The following ZNF730 variants were observed in gnomAD, a reference collection of about 807,000 sequenced individuals.
ZNF730 encodes the protein zinc finger protein 730.
A neutral mutation model predicts 12.6 loss-of-function variants in ZNF730; 12 were observed. The observed-to-expected ratio is 0.95, with a 90% CI of 0.61 to 1.54. The LOEUF (loss-of-function observed/expected upper bound fraction) is 1.54, where lower values mean the gene tolerates loss of function less well. Ranked by LOEUF, ZNF730 falls within the 40% of genes most tolerant of loss-of-function variation. The pLI, the probability that ZNF730 is intolerant of heterozygous loss-of-function variation, is 0.00. For synonymous variants in ZNF730, 194 were observed against 195.8 expected (o/e 0.99, Z 0.08); for missense variants, 643 against 583.5 (o/e 1.10, Z -1.05).
chr19:23,143,048 T>C (rs1270356269), intron 3 of ZNF730, among the ~76,000 whole-genome samples: 1 of 152,034 alleles, frequency 6.6e-6, no homozygotes, highest in African/African-American at 2.4e-5. Context: ...ATCGAGGCCA[T>C]CCTGGCTAAC....
upstream of ZNF730, among the ~76,000 whole-genome samples, chr19:23,115,474 C>A (rs780885114): frequency 7.2e-5 from 11 of 152,180 alleles, no homozygotes; most frequent in African/African-American, 2.4e-4. Context: ...ACCCTAGATA[C>A]GGCTGACCTT....
intron 1 of ZNF730, among the ~76,000 whole-genome samples, chr19:23,107,604 C>T (rs1303434319): frequency 6.6e-6 from 1 of 151,668 alleles, no homozygotes; most frequent in African/African-American, 2.4e-5. Context: ...GCTGGGATTA[C>T]AGGCAGTGTA....
intron 3 of ZNF730, among the ~76,000 whole-genome samples, chr19:23,141,764 C>T (rs7251906): frequency 0.57 from 85,735 of 151,628 alleles, 26,412 homozygotes; most frequent in East Asian, 0.74. Context: ...TGGCCTAGGA[C>T]GTTGTCTATG....
At chr19:23,086,474 T>C (rs1970066348) in intron 1 of ZNF730, among the ~76,000 whole-genome samples, 1 of 152,206 alleles carries the variant, frequency 6.6e-6, no homozygotes, top group Non-Finnish European at 1.5e-5. Context: ...GAGTTAGTTT[T>C]TGTATAGGGT....
At chr19:23,127,556 A>G (rs1335768837) in intron 1 of ZNF730, 3 of 911,480 alleles carry the variant, frequency 3.3e-6, no homozygotes, top group South Asian at 2.6e-5. Flanking sequence ...ATTTTTAACA[A>G]AGGAATCATG....
intron 1 of ZNF730, among the ~76,000 whole-genome samples, chr19:23,111,187 T>C (rs1224128058): frequency 1.3e-5 from 2 of 152,110 alleles, no homozygotes; most frequent in African/African-American, 4.8e-5. Flanking sequence ...CTAAAATAGG[T>C]TAAGACCAAT....
chr19:23,116,646 C>T (rs976830097), upstream of ZNF730, among the ~76,000 whole-genome samples: 1 of 146,472 alleles, frequency 6.8e-6, no homozygotes, highest in African/African-American at 2.5e-5. Flanking sequence ...GTCTCAAACT[C>T]CTGACCTCAG....
chr19:23,129,638 G>A (rs2145642987), intron 1 of ZNF730, among the ~76,000 whole-genome samples: 1 of 151,016 alleles, frequency 6.6e-6, no homozygotes, highest in South Asian at 2.1e-4. Context: ...ATAGGCAGAA[G>A]GGACTTGCCT....
chr19:23,138,238 C>G (rs1236796075), intron 3 of ZNF730, among the ~76,000 whole-genome samples: 2 of 15,172 alleles, frequency 1.3e-4, no homozygotes, highest in African/African-American at 2.4e-4. Context: ...AGCCGAGATC[C>G]CGCCACTGCA....
Position 23,145,412 on chromosome 19 carries a change from T to G in ZNF730, c.368T>G (p.Phe123Cys). The change falls in exon 4 of 4, where the codon TTT (phenylalanine) becomes TGT (cysteine). Residue 123 changes from phenylalanine to cysteine, a missense_variant. Transcript: ENST00000597761. Reference protein sequence around the residue: ...LRKGCKNVDEFKMHKKGYNRH... With the variant: ...LRKGCKNVDECKMHKKGYNRH... ...AAAGGCTGTAAAAATGTGGATGAGT[T>G]TAAGATGCACAAAAAAGGTTATAAT... 1 of 1,586,512 alleles carries G rather than the reference T, an allele frequency of 6.3e-7. No individual in the cohort carries two copies. Among genetic ancestry groups the G allele is most frequent in the Non-Finnish European group, 8.6e-7 (1 of 1,167,060 alleles).
At chr19:23,141,147 C>A (rs919058620) in intron 3 of ZNF730, among the ~76,000 whole-genome samples, 1 of 152,090 alleles carries the variant, frequency 6.6e-6, no homozygotes, top group Admixed American at 6.5e-5. Context: ...GTAATCCCAA[C>A]ACTTTGGGAC....
At chr19:23,109,377 C>T (rs1021793217) in intron 1 of ZNF730, among the ~76,000 whole-genome samples, 1 of 151,314 alleles carries the variant, frequency 6.6e-6, no homozygotes, top group Non-Finnish European at 1.5e-5. Context: ...TACAGGCACA[C>T]ACCACCACGC....
At chr19:23,141,287 T>C (rs1231495670) in intron 3 of ZNF730, among the ~76,000 whole-genome samples, 2 of 148,150 alleles carry the variant, frequency 1.3e-5, no homozygotes, top group East Asian at 4.1e-4. Flanking sequence ...CCCAGCTACT[T>C]GGGAGGCTGA....
chr19:23,112,967 G>C (rs929182527), upstream of ZNF730, among the ~76,000 whole-genome samples: 1 of 152,194 alleles, frequency 6.6e-6, no homozygotes, highest in Non-Finnish European at 1.5e-5. Context: ...GCAATGGTTA[G>C]AAATGTATCC....
chr19:23,116,473 C>A (rs897913064), upstream of ZNF730, among the ~76,000 whole-genome samples: 1 of 151,480 alleles, frequency 6.6e-6, no homozygotes, highest in Non-Finnish European at 1.5e-5. Flanking sequence ...GTGGTACGAT[C>A]TCGGCTCATT....
chr19:23,093,720 G>T (rs1970197316), intron 1 of ZNF730, among the ~76,000 whole-genome samples: 1 of 152,206 alleles, frequency 6.6e-6, no homozygotes, highest in African/African-American at 2.4e-5. Context: ...CCCAGGGGTA[G>T]GGTGGTCACT....
intron 1 of ZNF730, among the ~76,000 whole-genome samples, chr19:23,103,404 T>C (rs2145545216): frequency 6.6e-6 from 1 of 152,372 alleles, no homozygotes; most frequent in Middle Eastern, 3.4e-3. Flanking sequence ...ATCTGCTTTT[T>C]AGCAAACTTT....
At chr19:23,113,816 G>C (rs1250774829), upstream of ZNF730, among the ~76,000 whole-genome samples, 1 of 152,100 alleles carries the variant, frequency 6.6e-6, no homozygotes, top group Non-Finnish European at 1.5e-5. Context: ...GTACATTTTT[G>C]ATGGTGACAG....
intron 1 of ZNF730, among the ~76,000 whole-genome samples, chr19:23,133,491 C>T (rs573417314): frequency 7.2e-5 from 11 of 152,134 alleles, no homozygotes; most frequent in Admixed American, 5.9e-4. Flanking sequence ...TACAGGCATG[C>T]GCCACCATGG....
Sources: gnomAD v4.1 joint callset for allele counts (sites outside exome capture counted in the v4.1 genomes callset) on GRCh38, gnomAD v4.1.1 for gene constraint, MANE v1.5 for transcripts, NCBI Gene and HGNC (gene_info 2026-07-23, HGNC 2026-07-21) for gene names.